Variants in ZNF407 observed in about 807,000 individuals in gnomAD.
The protein encoded by ZNF407 is zinc finger protein 407.
ZNF407 carries 17 observed loss-of-function variants against 131.2 expected under a neutral mutation model. The ratio of observed to expected loss-of-function variants is 0.13; its 90% CI spans 0.09 to 0.19. The LOEUF (loss-of-function observed/expected upper bound fraction) is 0.19. Among genes scored for constraint, ZNF407 ranks in the 10% least tolerant of loss-of-function variants. The pLI, the probability that ZNF407 is intolerant of heterozygous loss-of-function variation, is 1.00. For synonymous variants in ZNF407, 1,156 were observed against 1,062.0 expected (o/e 1.09, Z -1.72); for missense variants, 2,681 against 2,830.6 (o/e 0.95, Z 1.20).
intron 8 of ZNF407, among the ~76,000 whole-genome samples, chr18:74,935,730 C>T (rs1353905904): frequency 3.9e-5 from 6 of 152,006 alleles, no homozygotes; most frequent in Admixed American, 2.0e-4. Context: ...ATGGAAGCAC[C>T]GAGCAGGCAG....
chr18:74,676,638 G>T lies in ZNF407; in HGVS notation c.4802+35516G>T, dbSNP rs569909805. Among the ~76,000 whole-genome samples, 78 of 151,904 alleles carry T rather than the reference G, an allele frequency of 5.1e-4. 1 individual carries two copies. In the East Asian group the frequency reaches 9.6e-3, roughly 19 times the overall value. Reference sequence around the variant, plus strand: ...TTTAGTAGAGACGGGGTTTCACCGTGTTAGCCAGGATGGTCTCGATCTCCT... The same window carrying T: ...TTTAGTAGAGACGGGGTTTCACCGTTTTAGCCAGGATGGTCTCGATCTCCT... On this transcript the variant is annotated intron_variant, in intron 3 of 8. Transcript: ENST00000299687.
chr18:74,938,532 A>G (rs2097930108), intron 8 of ZNF407, among the ~76,000 whole-genome samples: 2 of 152,076 alleles, frequency 1.3e-5, no homozygotes. Flanking sequence ...TTAAAATTTT[A>G]TCCATTTACT....
At chr18:74,682,552 G>C (rs1288837616) in intron 3 of ZNF407, among the ~76,000 whole-genome samples, 2 of 152,192 alleles carry the variant, frequency 1.3e-5, no homozygotes, top group African/African-American at 4.8e-5. Flanking sequence ...GTAAGTAGCT[G>C]ATACCTGGAA....
chr18:74,987,065 G>A (rs1972661385), intron 8 of ZNF407, among the ~76,000 whole-genome samples: 1 of 151,946 alleles, frequency 6.6e-6, no homozygotes, highest in Non-Finnish European at 1.5e-5. Flanking sequence ...CCCAACACCA[G>A]ACATTTTGAC....
intron 4 of ZNF407, among the ~76,000 whole-genome samples, chr18:74,820,449 G>A (rs369399796): frequency 6.6e-6 from 1 of 152,176 alleles, no homozygotes; most frequent in Admixed American, 6.5e-5. Flanking sequence ...CACCTATTGT[G>A]GATGGCTCTC....
At chr18:75,054,082 C>G (rs531822360) in intron 8 of ZNF407, among the ~76,000 whole-genome samples, 1 of 152,246 alleles carries the variant, frequency 6.6e-6, no homozygotes, top group Admixed American at 6.5e-5. Flanking sequence ...TCTCCTGGCA[C>G]ACACCAACTC....
At chr18:74,986,600 T>C (rs1972655137) in intron 8 of ZNF407, among the ~76,000 whole-genome samples, 1 of 152,200 alleles carries the variant, frequency 6.6e-6, no homozygotes, top group African/African-American at 2.4e-5. Context: ...CACTTTAAGC[T>C]TTTATTTAAC....
chr18:74,804,300 G>T, intron 4 of ZNF407: 23 of 1,102,592 alleles, frequency 2.1e-5, no homozygotes, highest in East Asian at 1.5e-4. Context: ...TCATCAATGA[G>T]TTAAAAAAAA....
intron 4 of ZNF407, among the ~76,000 whole-genome samples, chr18:74,831,223 T>C (rs72975448): frequency 0.099 from 15,059 of 152,272 alleles, 1,097 homozygotes; most frequent in East Asian, 0.3. Context: ...GTGAACAGCA[T>C]GGCAGTAAAC....
At chr18:74,853,668 C>T (rs969578034) in intron 4 of ZNF407, among the ~76,000 whole-genome samples, 2 of 152,144 alleles carry the variant, frequency 1.3e-5, no homozygotes, top group African/African-American at 4.8e-5. Flanking sequence ...TGTACTTCTG[C>T]CCATTTCCAG....
At chr18:74,857,675 C>A (rs1970877837) in intron 4 of ZNF407, among the ~76,000 whole-genome samples, 1 of 152,006 alleles carries the variant, frequency 6.6e-6, no homozygotes, top group South Asian at 2.1e-4. Flanking sequence ...ATAGTAATAT[C>A]ATAGTTTGTA....
At chr18:74,786,895 T>C (rs1969728927) in intron 4 of ZNF407, among the ~76,000 whole-genome samples, 1 of 125,278 alleles carries the variant, frequency 8.0e-6, no homozygotes, top group African/African-American at 3.0e-5. Flanking sequence ...GACCTCCGCC[T>C]CCCGGGTTCA....
chr18:74,926,990 C>A (rs1971922328), intron 8 of ZNF407, among the ~76,000 whole-genome samples: 1 of 152,158 alleles, frequency 6.6e-6, no homozygotes, highest in African/African-American at 2.4e-5. Flanking sequence ...TCTAGAGTGA[C>A]CCAAATGGTT....
rs75156511 is a variant in ZNF407, at chr18:74,654,386, A to G, written c.4802+13264A>G. The stretch of plus-strand genomic sequence containing the variant: ...GCAATGTTTTGGCCAGACTTTAAAC[A>G]AATTTCTTTGATTTCATTTCTATGA... On this transcript the variant is annotated intron_variant, in intron 3 of 8. Coordinates refer to ENST00000299687, the MANE Select transcript of ZNF407 (RefSeq NM_017757.3). Among the ~76,000 whole-genome samples the G allele has an allele frequency of 2.2e-4, 34 of 151,966 alleles. No homozygotes were observed. The East Asian group carries it at 6.6e-3, about 29-fold the overall frequency.
intron 4 of ZNF407, among the ~76,000 whole-genome samples, chr18:74,798,480 G>A (rs1214604434): frequency 6.6e-6 from 1 of 152,094 alleles, no homozygotes; most frequent in Non-Finnish European, 1.5e-5. Flanking sequence ...ATGCAATGAT[G>A]AGGGATTATT....
At chr18:74,730,036 C>T (rs1968258219) in intron 3 of ZNF407, among the ~76,000 whole-genome samples, 1 of 152,122 alleles carries the variant, frequency 6.6e-6, no homozygotes, top group Non-Finnish European at 1.5e-5. Context: ...TGTAATGACT[C>T]AGTATTCATT....
At chr18:74,847,533 C>T (rs1447364750) in intron 4 of ZNF407, among the ~76,000 whole-genome samples, 1 of 152,158 alleles carries the variant, frequency 6.6e-6, no homozygotes, top group Non-Finnish European at 1.5e-5. Flanking sequence ...ATCTTTTTAA[C>T]TTTCTATTTT....
intron 8 of ZNF407, among the ~76,000 whole-genome samples, chr18:74,991,445 C>A (rs955015590): frequency 6.6e-6 from 1 of 152,092 alleles, no homozygotes; most frequent in African/African-American, 2.4e-5. Context: ...GCAATTAGGC[C>A]ATTTTCTTTC....
chr18:74,932,467 C>T (rs1021272834), intron 8 of ZNF407, among the ~76,000 whole-genome samples: 1 of 152,136 alleles, frequency 6.6e-6, no homozygotes, highest in Non-Finnish European at 1.5e-5. Flanking sequence ...CCCTCAGCTT[C>T]GTGTGTCCAT....
Sources: gnomAD v4.1 joint callset for allele counts (sites outside exome capture counted in the v4.1 genomes callset) on GRCh38, gnomAD v4.1.1 for gene constraint, MANE v1.5 for transcripts, NCBI Gene and HGNC (gene_info 2026-07-23, HGNC 2026-07-21) for gene names.